TENM1: variants seen among roughly 807,000 people sequenced by gnomAD.
The protein encoded by TENM1 is teneurin-1.
A neutral mutation model predicts 174.8 loss-of-function variants in TENM1; 35 were observed. The observed-to-expected ratio is 0.20, with a 90% confidence interval of 0.15 to 0.27. TENM1 has a LOEUF of 0.27. Ranked by LOEUF, TENM1 falls within the 10% of genes least tolerant of loss-of-function variation. The pLI is 1.00. For missense variants in TENM1, 1,633 were observed against 2,130.1 expected (o/e 0.77, Z 4.59); for synonymous variants, 781 against 798.7 (o/e 0.98, Z 0.37).
the TENM1 span, among the ~76,000 whole-genome samples, chrX:125,035,430 A>G: frequency 4.5e-5 from 5 of 111,824 alleles, no homozygotes; most frequent in African/African-American, 6.5e-5. Context: ...CCATGAGTCC[A>G]TGACCTGTAG....
chrX:124,936,987 A>C (rs2058254670), intron 1 of TENM1, among the ~76,000 whole-genome samples: 1 of 109,286 alleles, frequency 9.2e-6, no homozygotes, highest in Non-Finnish European at 1.9e-5. Flanking sequence ...CGGAGGTTGC[A>C]GTGAACCACG....
At chrX:124,830,739 C>G (rs1352967261) in intron 3 of TENM1, among the ~76,000 whole-genome samples, 1 of 110,892 alleles carries the variant, frequency 9.0e-6, no homozygotes, top group Non-Finnish European at 1.9e-5. Flanking sequence ...CTATGGTATT[C>G]GTATAATGAA....
At chrX:124,584,470 C>T (rs888521018) in intron 11 of TENM1, among the ~76,000 whole-genome samples, 10 of 108,604 alleles carry the variant, frequency 9.2e-5, no homozygotes, top group African/African-American at 3.4e-4. Context: ...AAATACTTTA[C>T]AGACAAGCAA....
At chrX:124,583,366 T>A (rs2049386119) in intron 11 of TENM1, among the ~76,000 whole-genome samples, 1 of 111,654 alleles carries the variant, frequency 9.0e-6, no homozygotes, top group Admixed American at 9.5e-5. Context: ...GACAGCACCA[T>A]TCACGGTTCA....
At chrX:124,974,066 T>C in the TENM1 span, among the ~76,000 whole-genome samples, 1 of 104,109 alleles carries the variant, frequency 9.6e-6, no homozygotes, top group Non-Finnish European at 1.9e-5. Flanking sequence ...TCTGCACATG[T>C]ATCCCAGAAC....
At chrX:124,902,584 A>C (rs1219055146) in intron 1 of TENM1, among the ~76,000 whole-genome samples, 1 of 112,604 alleles carries the variant, frequency 8.9e-6, no homozygotes, top group Non-Finnish European at 1.9e-5. Flanking sequence ...ATACAGAGAC[A>C]AAGAAGTAAG....
chrX:125,145,486 T>C, the TENM1 span, among the ~76,000 whole-genome samples: 4 of 112,474 alleles, frequency 3.6e-5, no homozygotes, highest in Non-Finnish European at 7.5e-5. Flanking sequence ...AAATCTACAA[T>C]TGCTATAAAT....
chrX:124,449,930 G>C (rs1335299923), intron 23 of TENM1, among the ~76,000 whole-genome samples: 1 of 110,901 alleles, frequency 9.0e-6, no homozygotes, highest in East Asian at 2.8e-4. Flanking sequence ...GGAGATCTTA[G>C]AGTCAATGAC....
chrX:124,552,585 T>A (rs975823743), intron 14 of TENM1, among the ~76,000 whole-genome samples: 5 of 111,923 alleles, frequency 4.5e-5, no homozygotes, highest in Admixed American at 1.9e-4. Flanking sequence ...AATGTTCATG[T>A]CCTCCTGGTG....
the TENM1 span, among the ~76,000 whole-genome samples, chrX:125,093,854 A>G: frequency 8.9e-6 from 1 of 112,355 alleles, no homozygotes; most frequent in East Asian, 2.8e-4. Flanking sequence ...CTCCTAAAAC[A>G]GGGCAAATTC....
At chrX:124,715,156 C>T (rs1266368172) in intron 4 of TENM1, among the ~76,000 whole-genome samples, 5 of 111,808 alleles carry the variant, frequency 4.5e-5, no homozygotes, top group Non-Finnish European at 9.4e-5. Flanking sequence ...GGTGTGGAAG[C>T]TATAATCCTT....
At position 124,894,372 on chromosome X, in the gene TENM1, A is replaced by C; in HGVS notation, c.479-20T>G. ...TGAAACCTGTAACAGTAAACATTTCACTAGTTAAGCCTTGTCCAAGTCATC... is the reference window on the plus strand; with the variant it reads ...TGAAACCTGTAACAGTAAACATTTCCCTAGTTAAGCCTTGTCCAAGTCATC... On this transcript the variant is annotated intron_variant, in intron 2 of 31. Transcript: ENST00000422452. 1.7e-6 allele frequency: 2 copies of C among 1,154,218 alleles called. No individual in the cohort carries two copies. Among genetic ancestry groups the C allele is most frequent in the Non-Finnish European group, 2.4e-6 (2 of 850,359 alleles).
chrX:124,868,950 C>T (rs2057056833), intron 3 of TENM1, among the ~76,000 whole-genome samples: 1 of 108,504 alleles, frequency 9.2e-6, no homozygotes, highest in Admixed American at 9.9e-5. Context: ...CCCGGCTGGG[C>T]GTGGTGGCTC....
At chrX:124,453,474 G>A in exon 23 of TENM1, 1 of 1,208,505 alleles carries the variant, frequency 8.3e-7, no homozygotes, top group South Asian at 1.8e-5. Context: ...ATAAATCCAT[G>A]CCTATCAACT....
At chrX:125,028,903 G>A in the TENM1 span, among the ~76,000 whole-genome samples, 12,163 of 111,232 alleles carry the variant, frequency 0.11, 1,578 homozygotes, top group African/African-American at 0.37. Flanking sequence ...TAAAGAAAAG[G>A]TAACATGCTA....
the TENM1 span, among the ~76,000 whole-genome samples, chrX:125,014,924 A>T: frequency 8.9e-6 from 1 of 111,952 alleles, no homozygotes; most frequent in Non-Finnish European, 1.9e-5. Context: ...ATGTGTTTGA[A>T]TATGATGACA....
At chrX:124,554,150 A>C (rs2048644164) in intron 14 of TENM1, among the ~76,000 whole-genome samples, 1 of 112,254 alleles carries the variant, frequency 8.9e-6, no homozygotes, top group African/African-American at 3.2e-5. Flanking sequence ...TTGAATAATG[A>C]ATAAATGGAT....
chrX:124,421,699 T>C (rs923141090), intron 24 of TENM1, among the ~76,000 whole-genome samples: 4 of 110,553 alleles, frequency 3.6e-5, no homozygotes, highest in African/African-American at 1.3e-4. Flanking sequence ...AAAAGCAATG[T>C]ATCTAGCAGA....
chrX:124,961,643 GA>G (rs952281207), intron 1 of TENM1, among the ~76,000 whole-genome samples: 7 of 106,325 alleles, frequency 6.6e-5, no homozygotes, highest in East Asian at 5.9e-4. Context: ...GACTCTGTCA[GA>G]AAAAAAAAAG....
Sources: allele counts gnomAD v4.1 joint callset (sites outside exome capture counted in the v4.1 genomes callset), GRCh38; gene constraint gnomAD v4.1.1; transcripts MANE v1.5; gene names NCBI Gene and HGNC (gene_info 2026-07-23, HGNC 2026-07-21).